The following RNF214 variants were observed in gnomAD, a reference collection of about 807,000 sequenced individuals.
RNF214 encodes the protein ring finger protein 214.
RNF214 carries 25 observed loss-of-function variants against 75.9 expected under a neutral mutation model. That is an observed-to-expected ratio of 0.33 (90% CI 0.24 to 0.46). The LOEUF is 0.46. RNF214 is among the 20% of genes least tolerant of loss of function. The probability of loss-of-function intolerance (pLI) is 1.00; values close to 1 mark genes in which losing one functional copy is unlikely to be tolerated. For missense variants in RNF214, 725 were observed against 857.5 expected, an observed-to-expected ratio of 0.85 and a Z score of 1.93; for synonymous variants, 314 against 308.8, an observed-to-expected ratio of 1.02 and a Z score of -0.18.
At chr11:117,248,724 TATC>T (rs2033294942) in intron 6 of RNF214, among the ~76,000 whole-genome samples, 1 of 152,164 alleles carries the variant, frequency 6.6e-6, no homozygotes, top group East Asian at 1.9e-4. Flanking sequence ...AATAGAACAT[TATC>T]CCAGCCACTG....
chr11:117,253,462 A>C (rs931259934), intron 6 of RNF214, among the ~76,000 whole-genome samples: 3 of 152,122 alleles, frequency 2.0e-5, no homozygotes, highest in African/African-American at 4.8e-5. Flanking sequence ...TTTATCCTTC[A>C]GGTTATTGCT....
Position 117,238,785 on chromosome 11 carries a change from C to G in RNF214, c.292C>G (p.Leu98Val), listed in dbSNP as rs777014311. Residue 98 changes from leucine to valine, a missense_variant, in exon 3 of 15, where the codon CTT becomes GTT. Physicochemically the swap from Leu to Val is conservative, Grantham distance 32. Transcript: ENST00000300650. ...VLGENLIATA[L>V]CLSGSGSQSD... Reference sequence around the variant, plus strand: ...AGGAGAAAACTTGATAGCCACAGCCCTTTGTCTTTCTGGCAGTGGGTCTCA... The same window carrying G: ...AGGAGAAAACTTGATAGCCACAGCCGTTTGTCTTTCTGGCAGTGGGTCTCA... 62 of 1,614,018 alleles carry G rather than the reference C, an allele frequency of 3.8e-5. No individual in the cohort carries two copies. Among genetic ancestry groups the G allele is most frequent in the Non-Finnish European group, 5.1e-5 (60 of 1,180,028 alleles).
In RNF214 at chr11:117,285,226, T is replaced by TATA; in HGVS notation, c.*76_*78dup. Reference sequence around the variant, plus strand: ...CGCGGGTTCAAGATTTCTAAAACTCTATATTTATACAGTGACATATACTCA... The same window carrying TATA: ...CGCGGGTTCAAGATTTCTAAAACTCTATAATATTTATACAGTGACATATACTCA... On this transcript the variant is annotated 3_prime_UTR_variant, in exon 15 of 15. Coordinates refer to ENST00000300650, the MANE Select transcript of RNF214 (RefSeq NM_207343.4). 1.0e-6 allele frequency: 1 copy of TATA among 988,102 alleles called. No homozygotes were observed. The highest frequency in any genetic ancestry group is 2.4e-5 in the East Asian group (1 of 41,920). 61.2% of individuals were successfully genotyped at this position (988,102 alleles called of 1,614,324 possible).
intron 6 of RNF214, among the ~76,000 whole-genome samples, chr11:117,250,605 A>AT (rs1355938401): frequency 0.017 from 812 of 47,858 alleles, 2 homozygotes; most frequent in Middle Eastern, 0.036. Context: ...TTATTTATTT[A>AT]TTTATTTTTT....
rs182913739 is a variant in RNF214, at chr11:117,283,042, G to C, written c.1951-73G>C. On this transcript the variant is annotated intron_variant, in intron 13 of 14. Coordinates refer to ENST00000300650, the MANE Select transcript of RNF214 (RefSeq NM_207343.4). Reference sequence around the variant, plus strand: ...TTTGATATAAATCTTTTTGCTGCATGGAATTATGGGCATAAAAGGCAAGGA... The same window carrying C: ...TTTGATATAAATCTTTTTGCTGCATCGAATTATGGGCATAAAAGGCAAGGA... The C allele has an allele frequency of 6.3e-6, 7 of 1,103,616 alleles. No individual in the cohort carries two copies. In the Admixed American group the frequency reaches 1.5e-4, roughly 23 times the overall value. 68.4% of individuals were successfully genotyped at this position (1,103,616 alleles called of 1,614,324 possible). A position where few individuals can be genotyped will look rare whatever the true frequency, so the allele number is the denominator to read the frequency against.
chr11:117,266,768 C>T (rs1280132670), intron 6 of RNF214, among the ~76,000 whole-genome samples: 1 of 151,864 alleles, frequency 6.6e-6, no homozygotes, highest in Admixed American at 6.6e-5. Flanking sequence ...TGATATTGTC[C>T]GACAGCTCAC....
intron 9 of RNF214, 55 bp from the exon 10 acceptor site, chr11:117,281,545 C>T: frequency 6.8e-7 from 1 of 1,468,690 alleles, no homozygotes; most frequent in African/African-American, 1.4e-5. Flanking sequence ...ATGGTGCTGT[C>T]TTTCTAGAGA....
intron 6 of RNF214, among the ~76,000 whole-genome samples, chr11:117,262,093 C>A (rs529471): frequency 0.72 from 104,725 of 146,334 alleles, 38,805 homozygotes; most frequent in East Asian, 0.95. Flanking sequence ...TTTTGAGATA[C>A]GAGTCTGGCT....
intron 6 of RNF214, among the ~76,000 whole-genome samples, chr11:117,274,345 AC>A (rs1472402318): frequency 6.7e-6 from 1 of 149,150 alleles, no homozygotes; most frequent in Non-Finnish European, 1.5e-5. Context: ...TACTGGGAAA[AC>A]AAATGACTTC....
In RNF214 at chr11:117,246,795, T is replaced by C; in HGVS notation, c.820-14T>C. On this transcript the variant is annotated splice_polypyrimidine_tract_variant and intron_variant, in intron 5 of 14. Transcript: ENST00000300650. ...TTTTTTATTTGTGTGCGACTGTAAT[T>C]GTGTGGAACTCAGGAGATATTAAAG... 1 of 1,513,646 alleles carries C rather than the reference T, an allele frequency of 6.6e-7. No homozygotes were observed. The highest frequency in any genetic ancestry group is 8.9e-7 in the Non-Finnish European group (1 of 1,128,746). The allele number at this position is 1,513,646 out of a possible 1,614,324, so 93.8% of individuals were successfully genotyped here. A position where few individuals can be genotyped will look rare whatever the true frequency, so the allele number is the denominator to read the frequency against.
In RNF214 at chr11:117,285,743, A is replaced by G. The variant is rs1459104513; in HGVS notation, c.*592A>G. 1 of 152,360 alleles carries G rather than the reference A, an allele frequency of 6.6e-6. No individual in the cohort carries two copies. The highest frequency in any genetic ancestry group is 1.5e-5 in the Non-Finnish European group (1 of 68,054). 9.4% of individuals were successfully genotyped at this position (152,360 alleles called of 1,614,324 possible). On this transcript the variant is annotated 3_prime_UTR_variant, in exon 15 of 15. Coordinates refer to ENST00000300650, the MANE Select transcript of RNF214 (RefSeq NM_207343.4). ...TTTACTGTGTTAACGCTCATTATTTATACAGACATTAGGTTTACAGAATAT... is the reference window on the plus strand; with the variant it reads ...TTTACTGTGTTAACGCTCATTATTTGTACAGACATTAGGTTTACAGAATAT...
Position 117,280,357 on chromosome 11 carries a change from T to C in RNF214, c.1145+98T>C, listed in dbSNP as rs556348570. ...CCTAGGCCAGCTAGTCTGGCACTTATTCTATCTGCACAGGAATTGTAAGGC... is the reference window on the plus strand; with the variant it reads ...CCTAGGCCAGCTAGTCTGGCACTTACTCTATCTGCACAGGAATTGTAAGGC... On this transcript the variant is annotated intron_variant, in intron 8 of 14. Coordinates refer to ENST00000300650, the MANE Select transcript of RNF214 (RefSeq NM_207343.4). 35 of 808,508 alleles carry C rather than the reference T, an allele frequency of 4.3e-5. No individual in the cohort carries two copies. The African/African-American group carries it at 4.6e-4, about 11-fold the overall frequency. The allele number at this position is 808,508 out of a possible 1,614,324, so 50.1% of individuals were successfully genotyped here.
At chr11:117,234,172 G>C (rs1024803219) in intron 1 of RNF214, 95 bp from the exon 2 acceptor site, 2 of 864,542 alleles carry the variant, frequency 2.3e-6, no homozygotes, top group Non-Finnish European at 3.8e-6. Context: ...TCTTTACTGC[G>C]ACAGCTCTGT....
chr11:117,276,206 C>G (rs2034013213), intron 6 of RNF214, among the ~76,000 whole-genome samples: 1 of 152,088 alleles, frequency 6.6e-6, no homozygotes, highest in African/African-American at 2.4e-5. Flanking sequence ...AAAAAACCCT[C>G]AACAAATTAG....
rs756568929 is a variant in RNF214, at chr11:117,234,396, T to A, written c.107+17T>A. On this transcript the variant is annotated intron_variant, in intron 2 of 14. Transcript: ENST00000300650. ...TGGTCTAAGGTAATGTGTGGACTCC[T>A]GACTGGGAAGATTCATTTGGGTAAA... is the stretch of plus-strand genomic sequence containing the variant. The A allele has an allele frequency of 7.7e-6, 12 of 1,549,938 alleles. No homozygotes were observed. The Admixed American group carries it at 8.4e-5, about 11-fold the overall frequency.
intron 6 of RNF214, among the ~76,000 whole-genome samples, chr11:117,275,657 T>G (rs566314473): frequency 6.6e-6 from 1 of 152,310 alleles, no homozygotes; most frequent in African/African-American, 2.4e-5. Context: ...GATAAATTCC[T>G]GGAAACACAC....
chr11:117,245,720 G>C (rs1303678893), intron 5 of RNF214, among the ~76,000 whole-genome samples: 1 of 151,968 alleles, frequency 6.6e-6, no homozygotes, highest in Non-Finnish European at 1.5e-5. Context: ...GAATTAGATC[G>C]ATACTTATTG....
chr11:117,238,689 C>T lies in RNF214; in HGVS notation c.196C>T (p.His66Tyr). ...TITKENNRNV[H>Y]LEHSEQNPGS... ...AACCAAGGAGAATAACAGAAATGTC[C>T]ATTTGGAGCACTCAGAGCAGAATCC... Residue 66 changes from histidine (H) to tyrosine (Y), a missense_variant, in exon 3 of 15, where the codon CAT (histidine) becomes TAT (tyrosine). Coordinates refer to ENST00000300650, the MANE Select transcript of RNF214 (RefSeq NM_207343.4). 1 of 1,614,120 alleles carries T rather than the reference C, an allele frequency of 6.2e-7. No individual in the cohort carries two copies. Among genetic ancestry groups the T allele is most frequent in the Non-Finnish European group, 8.5e-7 (1 of 1,180,020 alleles).
At chr11:117,244,336 T>A (rs1437037011) in intron 4 of RNF214, 109 bp from the exon 5 acceptor site, 4 of 810,522 alleles carry the variant, frequency 4.9e-6, no homozygotes, top group Non-Finnish European at 8.0e-6. Flanking sequence ...GTAGCTTCAT[T>A]ATTGGATAGT....
Sources: gnomAD v4.1 joint callset for allele counts (sites outside exome capture counted in the v4.1 genomes callset) on GRCh38, gnomAD v4.1.1 for gene constraint, MANE v1.5 for transcripts, NCBI Gene and HGNC (gene_info 2026-07-23, HGNC 2026-07-21) for gene names.